Variants in HIBADH observed in about 807,000 individuals in gnomAD.
The protein encoded by HIBADH is 3-hydroxyisobutyrate dehydrogenase, mitochondrial.
A neutral mutation model predicts 36.1 loss-of-function variants in HIBADH; 25 were observed. The observed-to-expected ratio is 0.69, with a 90% CI of 0.50 to 0.97. The LOEUF is 0.97. Among genes scored for constraint, HIBADH ranks in the 50% least tolerant of loss-of-function variants. HIBADH has a pLI of 0.00. For synonymous variants in HIBADH, 160 were observed against 149.5 expected, an observed-to-expected ratio of 1.07 and a Z score of -0.51; for missense variants, 421 against 418.0, an observed-to-expected ratio of 1.01 and a Z score of -0.06.
At chr7:27,632,074 T>C (rs1485264906) in intron 3 of HIBADH, among the ~76,000 whole-genome samples, 1 of 152,148 alleles carries the variant, frequency 6.6e-6, no homozygotes, top group Non-Finnish European at 1.5e-5. Flanking sequence ...CTCTTAAACA[T>C]GTTACTAGTG....
chr7:27,629,288 C>T, intron 4 of HIBADH, 83 bp downstream of exon 4: 8 of 1,381,910 alleles, frequency 5.8e-6, no homozygotes, highest in Non-Finnish European at 7.8e-6. Flanking sequence ...ATAACTACTA[C>T]AAAACCATAT....
chr7:27,560,497 G>A (rs927353360), intron 4 of HIBADH, among the ~76,000 whole-genome samples: 1 of 152,182 alleles, frequency 6.6e-6, no homozygotes, highest in Admixed American at 6.6e-5. Context: ...TGGATGAATT[G>A]TATAGTGGTG....
At chr7:27,550,351 A>G (rs1379044777) in intron 4 of HIBADH, among the ~76,000 whole-genome samples, 2 of 152,194 alleles carry the variant, frequency 1.3e-5, no homozygotes, top group East Asian at 1.9e-4. Context: ...AGTTGTAGGA[A>G]GCAATGAATT....
At chr7:27,565,515 G>A (rs1177524962) in intron 4 of HIBADH, among the ~76,000 whole-genome samples, 1 of 152,120 alleles carries the variant, frequency 6.6e-6, no homozygotes, top group Non-Finnish European at 1.5e-5. Context: ...TCTGTATGTT[G>A]ACCTTGTGTT....
chr7:27,571,054 ACT>A (rs1784621395), intron 4 of HIBADH, among the ~76,000 whole-genome samples: 16 of 150,322 alleles, frequency 1.1e-4, no homozygotes, highest in Middle Eastern at 3.4e-3. Context: ...TCCATTTCCA[ACT>A]CTTTCTGTAG....
chr7:27,569,301 T>A (rs546196313), intron 4 of HIBADH, among the ~76,000 whole-genome samples: 74 of 152,324 alleles, frequency 4.9e-4, no homozygotes, highest in African/African-American at 1.6e-3. Context: ...CTGGGTAATC[T>A]CAGGGTTGGT....
chr7:27,595,388 C>T lies in HIBADH; in HGVS notation c.484+33983G>A, dbSNP rs187520680. 8.5e-5 allele frequency among the ~76,000 whole-genome samples: 13 copies of T among 152,054 alleles called. No homozygotes were observed. The East Asian group carries it at 9.7e-4, about 11-fold the overall frequency. On this transcript the variant is annotated intron_variant, in intron 4 of 7. Coordinates refer to ENST00000265395, the MANE Select transcript of HIBADH (RefSeq NM_152740.4). ...CAAAAATTAGCCAGGCATTGTGGTA[C>T]GTGCCTGTAATCCCAGCTACTCAGG... is the stretch of plus-strand genomic sequence containing the variant.
intron 1 of HIBADH, among the ~76,000 whole-genome samples, chr7:27,651,527 A>G (rs1245787762): frequency 6.6e-6 from 1 of 152,252 alleles, no homozygotes; most frequent in Non-Finnish European, 1.5e-5. Context: ...TAGCAATAAT[A>G]GCCAGAAAGA....
chr7:27,605,166 C>T (rs1380677560), intron 4 of HIBADH, among the ~76,000 whole-genome samples: 2 of 151,800 alleles, frequency 1.3e-5, no homozygotes, highest in African/African-American at 2.4e-5. Flanking sequence ...AACATGAATA[C>T]GTATTTTAAT....
chr7:27,540,958 G>T (rs1331545682), intron 5 of HIBADH, among the ~76,000 whole-genome samples: 1 of 152,162 alleles, frequency 6.6e-6, no homozygotes, highest in Non-Finnish European at 1.5e-5. Context: ...AAGACAGGCA[G>T]CTGGTATTTA....
At chr7:27,619,437 CAA>C (rs1785498098) in intron 4 of HIBADH, among the ~76,000 whole-genome samples, 1 of 152,124 alleles carries the variant, frequency 6.6e-6, no homozygotes, top group South Asian at 2.1e-4. Flanking sequence ...CAAAGGAATA[CAA>C]CAATTCTACA....
Position 27,526,030 on chromosome 7 carries a change from GATAAT to G in HIBADH, c.*179_*183del. 2.3e-6 allele frequency: 1 copy of G among 444,032 alleles called. No homozygotes were observed. Among genetic ancestry groups the G allele is most frequent in the Non-Finnish European group, 3.7e-6 (1 of 269,028 alleles). 27.5% of individuals were successfully genotyped at this position (444,032 alleles called of 1,614,324 possible). On this transcript the variant is annotated 3_prime_UTR_variant, in exon 8 of 8. Transcript: ENST00000265395. ...CAGTGGCTTGCAGAAAAAAAATTCGGATAATATGTTTGTTAAAAAGACAAAAAGAA... is the reference window on the plus strand; with the variant it reads ...CAGTGGCTTGCAGAAAAAAAATTCGGATGTTTGTTAAAAAGACAAAAAGAA...
At position 27,629,265 on chromosome 7, in the gene HIBADH, A is replaced by G. The variant is rs1356120384; in HGVS notation, c.484+106T>C. 2.7e-6 allele frequency: 3 copies of G among 1,098,600 alleles called. No homozygotes were observed. The African/African-American group carries it at 4.8e-5, about 18-fold the overall frequency. 68.1% of individuals were successfully genotyped at this position (1,098,600 alleles called of 1,614,324 possible). On this transcript the variant is annotated intron_variant, in intron 4 of 7. Transcript: ENST00000265395. ...GCTTTATTTTTAATGAGAATCCTGT[A>G]ACAAGTCTAAAAATAACTACTACAA...
At chr7:27,661,502 C>T (rs562058118) in intron 1 of HIBADH, among the ~76,000 whole-genome samples, 197 of 145,214 alleles carry the variant, frequency 1.4e-3, no homozygotes, top group African/African-American at 4.8e-3. Flanking sequence ...GTGGGAGGAT[C>T]ACCTGAGCCC....
At chr7:27,550,383 GC>G (rs1316399885) in intron 4 of HIBADH, among the ~76,000 whole-genome samples, 1 of 152,136 alleles carries the variant, frequency 6.6e-6, no homozygotes, top group Non-Finnish European at 1.5e-5. Context: ...CCTTAAATGA[GC>G]TCTGATTTTT....
chr7:27,585,580 T>C (rs376565479), intron 4 of HIBADH, among the ~76,000 whole-genome samples: 9 of 152,280 alleles, frequency 5.9e-5, no homozygotes, highest in Non-Finnish European at 1.2e-4. Flanking sequence ...TTATTTACCC[T>C]GTCTAATTCA....
intron 4 of HIBADH, among the ~76,000 whole-genome samples, chr7:27,574,693 A>T (rs1442927305): frequency 6.6e-6 from 1 of 152,202 alleles, no homozygotes; most frequent in Non-Finnish European, 1.5e-5. Flanking sequence ...TGGAACTAAT[A>T]CTTGAAAAGA....
intron 4 of HIBADH, among the ~76,000 whole-genome samples, chr7:27,578,476 G>A (rs1384691414): frequency 6.6e-6 from 1 of 151,870 alleles, no homozygotes; most frequent in African/African-American, 2.4e-5. Flanking sequence ...CACCACACCT[G>A]GCTGATTTTT....
chr7:27,536,002 G>A (rs1219145340), intron 6 of HIBADH, among the ~76,000 whole-genome samples: 1 of 152,254 alleles, frequency 6.6e-6, no homozygotes, highest in Non-Finnish European at 1.5e-5. Flanking sequence ...TCACTTCAGA[G>A]TGGGCAGAAT....
Sources: allele counts gnomAD v4.1 joint callset (sites outside exome capture counted in the v4.1 genomes callset), GRCh38; gene constraint gnomAD v4.1.1; transcripts MANE v1.5; gene names NCBI Gene and HGNC (gene_info 2026-07-23, HGNC 2026-07-21).